Variants in AAK1 observed in about 807,000 individuals in gnomAD.
The protein encoded by AAK1 is AP2 associated kinase 1.
AAK1 carries 37 observed loss-of-function variants against 116.0 expected under a neutral mutation model. That is an observed-to-expected ratio of 0.32 (90% confidence interval 0.25 to 0.42). AAK1 has a LOEUF of 0.42. Among genes scored for constraint, AAK1 ranks in the 10% least tolerant of loss-of-function variants. The pLI, the probability that AAK1 is intolerant of heterozygous loss-of-function variation, is 1.00. For synonymous variants in AAK1, 458 were observed against 439.9 expected, an observed-to-expected ratio of 1.04 and a Z score of -0.51; for missense variants, 919 against 1,170.6, an observed-to-expected ratio of 0.79 and a Z score of 3.14.
chr2:69,505,124 C>A (rs569032791), intron 16 of AAK1, among the ~76,000 whole-genome samples: 1 of 108,836 alleles, frequency 9.2e-6, no homozygotes, highest in Non-Finnish European at 1.8e-5. Context: ...CGTGCGTGTG[C>A]GCACACACAC....
At chr2:69,587,434 CAT>C (rs1225860049) in intron 2 of AAK1, among the ~76,000 whole-genome samples, 1 of 149,138 alleles carries the variant, frequency 6.7e-6, no homozygotes, top group Non-Finnish European at 1.5e-5. Context: ...CATATATATA[CAT>C]ATGTGTATAT....
chr2:69,559,306 TCTC>T (rs926008122), intron 2 of AAK1, among the ~76,000 whole-genome samples: 5 of 149,700 alleles, frequency 3.3e-5, no homozygotes, highest in Non-Finnish European at 7.4e-5. Flanking sequence ...ACACTCTCTC[TCTC>T]CTCAATTCTA....
intron 2 of AAK1, among the ~76,000 whole-genome samples, chr2:69,572,004 C>A (rs1672110804): frequency 6.6e-6 from 1 of 152,152 alleles, no homozygotes; most frequent in Admixed American, 6.5e-5. Context: ...TCTTTCATAT[C>A]AGATGAAATA....
In AAK1 at chr2:69,642,887, A is replaced by G. The variant is rs1420015051; in HGVS notation, c.154T>C (p.Leu52=). The G allele has an allele frequency of 1.9e-6, 3 of 1,613,746 alleles. No homozygotes were observed. Among genetic ancestry groups the G allele is most frequent in the Non-Finnish European group, 2.5e-6 (3 of 1,179,868 alleles). Residue 52 remains leucine, a synonymous_variant, in exon 2 of 22, where the codon TTG becomes CTG. Coordinates refer to ENST00000409085, the MANE Select transcript of AAK1 (RefSeq NM_014911.5). The part of the protein sequence containing the change: ...GRQQVTVDEV[L]AEGGFAIVFL... The stretch of plus-strand genomic sequence containing the variant: ...TTGAGCCCCACCGTACCTTCCGCCA[A>G]CACCTCGTCCACTGTGACCTGCTGT...
intron 2 of AAK1, among the ~76,000 whole-genome samples, chr2:69,579,023 C>CTCG (rs370116966): frequency 1.1e-3 from 167 of 152,242 alleles, no homozygotes; most frequent in African/African-American, 3.9e-3. Context: ...CCAGGATGGT[C>CTCG]TCGATCTCCT....
intron 2 of AAK1, among the ~76,000 whole-genome samples, chr2:69,633,619 T>C (rs1021114388): frequency 2.8e-5 from 4 of 144,488 alleles, no homozygotes; most frequent in African/African-American, 1.0e-4. Context: ...AAAAAAAAAC[T>C]CAGTAGTCTG....
chr2:69,542,381 T>C, intron 5 of AAK1, 142 bp downstream of exon 5: 1 of 1,058,586 alleles, frequency 9.4e-7, no homozygotes, highest in South Asian at 1.8e-5. Flanking sequence ...CTTTGTTATT[T>C]TCTCTCCTCA....
At chr2:69,582,699 A>G in intron 2 of AAK1, among the ~76,000 whole-genome samples, 1 of 152,230 alleles carries the variant, frequency 6.6e-6, no homozygotes. Context: ...AGTGAAAGAC[A>G]CAAGGTTAGT....
chr2:69,546,463 G>C (rs1379523831), intron 3 of AAK1, among the ~76,000 whole-genome samples: 4 of 152,106 alleles, frequency 2.6e-5, no homozygotes, highest in Non-Finnish European at 5.9e-5. Flanking sequence ...ATTCCTGAAA[G>C]TAGGAAGAAC....
chr2:69,557,250 C>T (rs1303210665), intron 2 of AAK1, among the ~76,000 whole-genome samples: 2 of 150,022 alleles, frequency 1.3e-5, no homozygotes, highest in African/African-American at 4.9e-5. Context: ...AAATAACCTA[C>T]AAATAAACAG....
rs1673050106 is a variant in AAK1 at position 69,591,867 on chromosome 2, C to T, written c.164-34889G>A. ...TACAGGCGTGAGCCACTGCGCCTGG[C>T]CTGTTCTATATTTCAAACCACAAAG... On this transcript the variant is annotated intron_variant, in intron 2 of 21. Coordinates refer to ENST00000409085, the MANE Select transcript of AAK1 (RefSeq NM_014911.5). Among the ~76,000 whole-genome samples the T allele has an allele frequency of 2.0e-5, 3 of 152,234 alleles. No homozygotes were observed. In the East Asian group the frequency reaches 5.8e-4, roughly 29 times the overall value.
At chr2:69,603,968 T>A (rs992305060) in intron 2 of AAK1, among the ~76,000 whole-genome samples, 7 of 152,182 alleles carry the variant, frequency 4.6e-5, no homozygotes, top group African/African-American at 1.4e-4. Flanking sequence ...ATAAGAGATA[T>A]AGAATCCAAG....
chr2:69,588,693 ATTT>A (rs71397338), intron 2 of AAK1, among the ~76,000 whole-genome samples: 1 of 148,682 alleles, frequency 6.7e-6, no homozygotes, highest in Non-Finnish European at 1.5e-5. Flanking sequence ...CAGCTACATG[ATTT>A]TTTTTTTCTT....
chr2:69,466,312 G>A lies in AAK1; in HGVS notation c.*9557C>T, dbSNP rs1029501992. Reference sequence around the variant, plus strand: ...TCTTCAGACTCCATAAGGAGAGGCCGAGACCCACTGCAGTCCAGCATGTCT... The same window carrying A: ...TCTTCAGACTCCATAAGGAGAGGCCAAGACCCACTGCAGTCCAGCATGTCT... On this transcript the variant is annotated 3_prime_UTR_variant, in exon 22 of 22. Coordinates refer to ENST00000409085, the MANE Select transcript of AAK1 (RefSeq NM_014911.5). 4.3e-5 allele frequency: 55 copies of A among 1,289,656 alleles called. 1 individual carries two copies. The highest frequency in any genetic ancestry group is 5.5e-5 in the Non-Finnish European group (54 of 988,872). 79.9% of individuals were successfully genotyped at this position (1,289,656 alleles called of 1,614,324 possible).
Position 69,643,085 on chromosome 2 carries a change from A to ATT in AAK1, c.-47_-46dup, listed in dbSNP as rs4067981. 0.028 allele frequency: 34,813 copies of ATT among 1,245,406 alleles called. 899 individuals are homozygous for ATT. The highest frequency in any genetic ancestry group is 0.2 in the East Asian group (5,942 of 29,408). 77.1% of individuals were successfully genotyped at this position (1,245,406 alleles called of 1,614,324 possible). A position where few individuals can be genotyped will look rare whatever the true frequency, so the allele number is the denominator to read the frequency against. Reference sequence around the variant, plus strand: ...AAAGCAAAATACCGATGGTTTCTAGATTTTTTTTTTTTTTTTTTTTTTTTA... The same window carrying ATT: ...AAAGCAAAATACCGATGGTTTCTAGATTTTTTTTTTTTTTTTTTTTTTTTTTA... On this transcript the variant is annotated 5_prime_UTR_variant, in exon 2 of 22. Coordinates refer to ENST00000409085, the MANE Select transcript of AAK1 (RefSeq NM_014911.5).
intron 2 of AAK1, among the ~76,000 whole-genome samples, chr2:69,586,402 G>C (rs1672765892): frequency 6.6e-6 from 1 of 152,114 alleles, no homozygotes; most frequent in Non-Finnish European, 1.5e-5. Flanking sequence ...ACAGTGTTGA[G>C]GAACCATTTA....
intron 17 of AAK1, among the ~76,000 whole-genome samples, chr2:69,486,493 G>A (rs142902599): frequency 2.0e-5 from 3 of 152,206 alleles, no homozygotes; most frequent in East Asian, 1.9e-4. Flanking sequence ...AGGAGCTGCA[G>A]ACAGAACAAT....
At chr2:69,606,696 C>T (rs1230683502) in intron 2 of AAK1, among the ~76,000 whole-genome samples, 1 of 152,208 alleles carries the variant, frequency 6.6e-6, no homozygotes, top group African/African-American at 2.4e-5. Flanking sequence ...GTAAACAAAA[C>T]TGACACAAAT....
intron 2 of AAK1, among the ~76,000 whole-genome samples, chr2:69,582,458 C>T (rs1672589887): frequency 6.6e-6 from 1 of 152,126 alleles, no homozygotes; most frequent in African/African-American, 2.4e-5. Flanking sequence ...ATAAACCCTA[C>T]CAGTGGTTTC....
Sources: allele counts gnomAD v4.1 joint callset (sites outside exome capture counted in the v4.1 genomes callset), GRCh38; gene constraint gnomAD v4.1.1; transcripts MANE v1.5; gene names NCBI Gene and HGNC (gene_info 2026-07-23, HGNC 2026-07-21).